FOXP1: variants seen among roughly 807,000 people sequenced by gnomAD.
FOXP1 encodes forkhead box P1.
FOXP1 carries 15 observed loss-of-function variants against 98.2 expected under a neutral mutation model. That is an observed-to-expected ratio of 0.15 (90% confidence interval 0.10 to 0.24). FOXP1 has a LOEUF of 0.24. FOXP1 is among the 10% of genes least tolerant of loss of function. The pLI is 1.00. For missense variants in FOXP1, 633 were observed against 848.5 expected (o/e 0.75, Z 3.15); for synonymous variants, 371 against 314.5 (o/e 1.18, Z -1.90).
intron 5 of FOXP1, among the ~76,000 whole-genome samples, chr3:71,267,929 A>T (rs1165644152): frequency 6.6e-6 from 1 of 151,482 alleles, no homozygotes; most frequent in Admixed American, 6.6e-5. Context: ...AAGGCAGAAG[A>T]ATCGCTTGAA....
chr3:71,105,222 CCT>C lies in FOXP1; in HGVS notation c.282+7312_282+7313del, dbSNP rs563777505. Among the ~76,000 whole-genome samples, 678 of 152,056 alleles carry C rather than the reference CCT, an allele frequency of 4.5e-3. 1 individual carries two copies. The highest frequency in any genetic ancestry group is 7.4e-3 in the Non-Finnish European group (500 of 67,968). On this transcript the variant is annotated intron_variant, in intron 7 of 20. Transcript: ENST00000649528. ...GGCTTGCGTTTTCTTTTTTTTTCCC[CCT>C]CTTTCCCTGAAGCACAAGTGGACGA...
chr3:71,502,497 A>G (rs2107206352), intron 2 of FOXP1, among the ~76,000 whole-genome samples: 1 of 152,286 alleles, frequency 6.6e-6, no homozygotes, highest in Non-Finnish European at 1.5e-5. Flanking sequence ...CACACTTTTA[A>G]ATTCAAAACA....
intron 3 of FOXP1, among the ~76,000 whole-genome samples, chr3:71,415,002 C>CA (rs1377685235): frequency 2.6e-5 from 4 of 152,212 alleles, no homozygotes; most frequent in African/African-American, 9.6e-5. Flanking sequence ...AAGACACACT[C>CA]AAAGTATCTA....
intron 3 of FOXP1, among the ~76,000 whole-genome samples, chr3:71,429,153 A>G (rs1463951): frequency 0.85 from 129,137 of 151,908 alleles, 56,190 homozygotes; most frequent in Middle Eastern, 0.94. Context: ...CATGCTCTGC[A>G]TGGCCCATGG....
chr3:71,262,256 C>T (rs1243469737), intron 5 of FOXP1, among the ~76,000 whole-genome samples: 11 of 75,082 alleles, frequency 1.5e-4, no homozygotes, highest in Admixed American at 8.9e-4. Context: ...CAGGACAAGA[C>T]TCTGTCACAA....
At chr3:71,197,815 C>T in intron 6 of FOXP1, 2 of 1,457,218 alleles carry the variant, frequency 1.4e-6, no homozygotes, top group Non-Finnish European at 1.9e-6. Flanking sequence ...GCTCTTATTT[C>T]CTTCTTCACA....
At chr3:71,398,109 T>C (rs1315201308) in intron 3 of FOXP1, among the ~76,000 whole-genome samples, 1 of 152,244 alleles carries the variant, frequency 6.6e-6, no homozygotes, top group Non-Finnish European at 1.5e-5. Flanking sequence ...TCATAGCTTC[T>C]AACACTCCAA....
At chr3:71,070,646 G>C (rs749181315) in intron 7 of FOXP1, among the ~76,000 whole-genome samples, 1 of 152,162 alleles carries the variant, frequency 6.6e-6, no homozygotes, top group Non-Finnish European at 1.5e-5. Context: ...CCCCTGCTAC[G>C]GGAACCCTCC....
intron 7 of FOXP1, among the ~76,000 whole-genome samples, chr3:71,103,375 AG>A (rs1469142999): frequency 6.6e-6 from 1 of 152,242 alleles, no homozygotes; most frequent in African/African-American, 2.4e-5. Flanking sequence ...TAATAAGTGT[AG>A]GGAAAACAGA....
chr3:71,152,216 T>A (rs1345597692), intron 6 of FOXP1, among the ~76,000 whole-genome samples: 1 of 151,972 alleles, frequency 6.6e-6, no homozygotes, highest in East Asian at 1.9e-4. Flanking sequence ...GTGGTCTCCA[T>A]GAGCTTGCAG....
At chr3:71,424,783 G>C (rs1302985272) in intron 3 of FOXP1, among the ~76,000 whole-genome samples, 1 of 152,206 alleles carries the variant, frequency 6.6e-6, no homozygotes. Context: ...GCTGGCTTCT[G>C]TCAGCAAAAG....
intron 3 of FOXP1, among the ~76,000 whole-genome samples, chr3:71,459,884 A>C (rs2087860880): frequency 6.6e-6 from 1 of 152,032 alleles, no homozygotes; most frequent in Non-Finnish European, 1.5e-5. Flanking sequence ...TTAAGAAGAA[A>C]GATTACGTGC....
intron 6 of FOXP1, among the ~76,000 whole-genome samples, chr3:71,134,035 C>T (rs2059699599): frequency 6.6e-6 from 1 of 152,130 alleles, no homozygotes; most frequent in Admixed American, 6.5e-5. Context: ...ATTCTGTCCC[C>T]ACCCCCATTT....
At chr3:71,304,873 A>G (rs2074145426) in intron 4 of FOXP1, 1 of 152,194 alleles carries the variant, frequency 6.6e-6, no homozygotes, top group Admixed American at 6.5e-5. Flanking sequence ...CTTCTGTTGA[A>G]AAGAGTTACT....
chr3:70,985,647 G>A (rs2039610970), intron 14 of FOXP1, among the ~76,000 whole-genome samples: 1 of 151,956 alleles, frequency 6.6e-6, no homozygotes, highest in South Asian at 2.1e-4. Flanking sequence ...AATTTATAAT[G>A]CTGCCTGTGA....
At chr3:71,097,070 G>A (rs1160453469) in intron 7 of FOXP1, among the ~76,000 whole-genome samples, 1 of 152,076 alleles carries the variant, frequency 6.6e-6, no homozygotes, top group Non-Finnish European at 1.5e-5. Flanking sequence ...GCTAGATTTC[G>A]GCCCTTGCTA....
At chr3:71,064,727 G>C (rs984670834) in intron 7 of FOXP1, 4 of 838,220 alleles carry the variant, frequency 4.8e-6, no homozygotes, top group Non-Finnish European at 5.8e-6. Flanking sequence ...GAACCCTCGG[G>C]CTCTCCTGCC....
chr3:71,318,239 G>A (rs1466575768), intron 4 of FOXP1, among the ~76,000 whole-genome samples: 2 of 148,658 alleles, frequency 1.3e-5, no homozygotes, highest in Non-Finnish European at 3.0e-5. Context: ...GAAGGAACAA[G>A]TCCCCTCTTC....
chr3:71,301,638 T>C (rs2073853725), intron 4 of FOXP1, among the ~76,000 whole-genome samples: 2 of 152,212 alleles, frequency 1.3e-5, no homozygotes, highest in Admixed American at 6.5e-5. Context: ...GTCAGACCTA[T>C]AGTATTAGAC....
Sources: allele counts gnomAD v4.1 joint callset (sites outside exome capture counted in the v4.1 genomes callset), GRCh38; gene constraint gnomAD v4.1.1; transcripts MANE v1.5; gene names NCBI Gene and HGNC (gene_info 2026-07-23, HGNC 2026-07-21).